The following CSTPP1 variants were observed in gnomAD, a reference collection of about 807,000 sequenced individuals.
The protein encoded by CSTPP1 is UPF0705 protein C11orf49.
At chr11:47,100,071 G>A in the CSTPP1 span, among the ~76,000 whole-genome samples, 1 of 152,134 alleles carries the variant, frequency 6.6e-6, no homozygotes, top group East Asian at 1.9e-4. Flanking sequence ...GATCCAATAA[G>A]AAACATTTTT....
chr11:46,948,156 A>G, the CSTPP1 span: 1 of 456,290 alleles, frequency 2.2e-6, no homozygotes, highest in Admixed American at 2.3e-5. Context: ...AAGTCCTGCA[A>G]ATTGACACGT....
chr11:46,937,757 T>G, the CSTPP1 span, among the ~76,000 whole-genome samples: 1 of 152,104 alleles, frequency 6.6e-6, no homozygotes, highest in Admixed American at 6.6e-5. Flanking sequence ...CAGGATGGTC[T>G]CGATCTCCTG....
the CSTPP1 span, among the ~76,000 whole-genome samples, chr11:46,967,645 T>C: frequency 6.6e-6 from 1 of 152,118 alleles, no homozygotes; most frequent in African/African-American, 2.4e-5. Flanking sequence ...GAGGATTAAA[T>C]GAATAAAACT....
At chr11:47,155,725 C>T in the CSTPP1 span, 1 of 164,360 alleles carries the variant, frequency 6.1e-6, no homozygotes, top group Non-Finnish European at 1.3e-5. Flanking sequence ...GACTCCAAAG[C>T]CAGCGTTCCC....
At chr11:46,954,999 C>T in the CSTPP1 span, among the ~76,000 whole-genome samples, 1 of 152,156 alleles carries the variant, frequency 6.6e-6, no homozygotes, top group Admixed American at 6.5e-5. Flanking sequence ...GGGGCTCAGT[C>T]TCCTGCAGTT....
chr11:47,054,310 CAA>C, the CSTPP1 span, among the ~76,000 whole-genome samples: 6 of 41,572 alleles, frequency 1.4e-4, no homozygotes, highest in East Asian at 7.6e-4. Flanking sequence ...TACTCCGTCT[CAA>C]AAAAAAAAAA....
the CSTPP1 span, chr11:47,157,092 TGCCGACGTCGTCCAGTG>T: frequency 6.2e-7 from 1 of 1,614,044 alleles, no homozygotes; most frequent in Non-Finnish European, 8.5e-7. Flanking sequence ...ACAGTGATTG[TGCCGACGTCGTCCAGTG>T]GGCAGCACCG....
At chr11:46,979,238 A>G in the CSTPP1 span, among the ~76,000 whole-genome samples, 2 of 152,304 alleles carry the variant, frequency 1.3e-5, no homozygotes, top group Non-Finnish European at 2.9e-5. Flanking sequence ...ATGCATCACC[A>G]TGCCCGGCTG....
chr11:47,163,735 C>T, the CSTPP1 span, among the ~76,000 whole-genome samples: 3 of 152,072 alleles, frequency 2.0e-5, no homozygotes, highest in African/African-American at 4.8e-5. Context: ...CTCTGCCTCC[C>T]GGGTTCAAGT....
At chr11:47,144,698 G>C in the CSTPP1 span, among the ~76,000 whole-genome samples, 214 of 152,226 alleles carry the variant, frequency 1.4e-3, 3 homozygotes, top group East Asian at 0.033. Flanking sequence ...TCCCAGCTGG[G>C]CCAAGGGGAC....
chr11:46,978,285 G>A, the CSTPP1 span, among the ~76,000 whole-genome samples: 1 of 152,308 alleles, frequency 6.6e-6, no homozygotes, highest in South Asian at 2.1e-4. Context: ...TAGATGTTTA[G>A]GGAGTTTGGG....
chr11:47,128,318 A>T, the CSTPP1 span, among the ~76,000 whole-genome samples: 2 of 152,188 alleles, frequency 1.3e-5, no homozygotes, highest in East Asian at 1.9e-4. Context: ...GCTGTTGAAG[A>T]GAAAGTTGGC....
the CSTPP1 span, among the ~76,000 whole-genome samples, chr11:47,000,502 T>C: frequency 6.6e-6 from 1 of 152,158 alleles, no homozygotes; most frequent in Admixed American, 6.5e-5. Context: ...AAGTGTCTTG[T>C]TTTCGTTTTT....
the CSTPP1 span, chr11:46,987,586 A>T: frequency 3.3e-6 from 1 of 305,516 alleles, no homozygotes; most frequent in Admixed American, 4.5e-5. Flanking sequence ...TTCTCTTTTA[A>T]CTTTCTCCTT....
chr11:47,121,900 G>C, the CSTPP1 span, among the ~76,000 whole-genome samples: 6 of 150,534 alleles, frequency 4.0e-5, no homozygotes, highest in Non-Finnish European at 5.9e-5. Flanking sequence ...AGTAAACACA[G>C]TGACATCCCT....
At chr11:47,076,103 G>T in the CSTPP1 span, among the ~76,000 whole-genome samples, 8 of 152,098 alleles carry the variant, frequency 5.3e-5, no homozygotes, top group Admixed American at 3.3e-4. Flanking sequence ...TTCCATAGAA[G>T]ACTGGAGATA....
chr11:47,036,189 T>A, the CSTPP1 span, among the ~76,000 whole-genome samples: 1 of 54,082 alleles, frequency 1.8e-5, no homozygotes. Flanking sequence ...AATATATATT[T>A]ATATTATATA....
At chr11:47,151,277 G>A in the CSTPP1 span, among the ~76,000 whole-genome samples, 4 of 152,078 alleles carry the variant, frequency 2.6e-5, no homozygotes, top group Admixed American at 6.6e-5. Flanking sequence ...TGGACATGCT[G>A]GCGCACGCCT....
At chr11:46,990,143 C>T in the CSTPP1 span, among the ~76,000 whole-genome samples, 1 of 152,092 alleles carries the variant, frequency 6.6e-6, no homozygotes, top group East Asian at 1.9e-4. Flanking sequence ...TTTCCTTTGG[C>T]ATACCCACTA....
Sources: allele counts gnomAD v4.1 joint callset (sites outside exome capture counted in the v4.1 genomes callset), GRCh38; gene constraint gnomAD v4.1.1; transcripts MANE v1.5; gene names NCBI Gene and HGNC (gene_info 2026-07-23, HGNC 2026-07-21).